The following ADGRL4 variants were observed in gnomAD, a reference collection of about 807,000 sequenced individuals.
ADGRL4 encodes EGF, latrophilin and seven transmembrane domain containing 1.
A neutral mutation model predicts 74.8 loss-of-function variants in ADGRL4; 90 were observed. The observed-to-expected ratio is 1.20, with a 90% confidence interval of 1.02 to 1.43. ADGRL4 has a LOEUF of 1.43. ADGRL4 is among the 40% of genes most tolerant of loss of function. The probability of loss-of-function intolerance (pLI) is 0.00; values close to 1 mark genes in which losing one functional copy is unlikely to be tolerated. For missense variants in ADGRL4, 881 were observed against 814.3 expected (o/e 1.08, Z -1.00); for synonymous variants, 311 against 279.2 (o/e 1.11, Z -1.14).
chr1:78,930,780 G>A (rs1480161716), intron 7 of ADGRL4, among the ~76,000 whole-genome samples: 2 of 151,294 alleles, frequency 1.3e-5, no homozygotes, highest in Non-Finnish European at 2.9e-5. Flanking sequence ...AGAAGAATCA[G>A]CTTTTAGCGG....
chr1:78,917,652 T>C lies in ADGRL4; in HGVS notation c.1731A>G (p.Pro577=). The C allele has an allele frequency of 1.0e-5, 16 of 1,604,050 alleles. No homozygotes were observed. Among genetic ancestry groups the C allele is most frequent in the Non-Finnish European group, 1.4e-5 (16 of 1,174,676 alleles). ...ENNFIWSFIG[P]ACLIILVNLL... Reference sequence around the variant, plus strand: ...TACATACAAGAATGATTAGGCATGCTGGTCCTATAAAACTCCAAATAAAGT... The same window carrying C: ...TACATACAAGAATGATTAGGCATGCCGGTCCTATAAAACTCCAAATAAAGT... The change falls in exon 12 of 15, where the codon CCA becomes CCG. Residue 577 remains proline (P), a synonymous_variant. Coordinates refer to ENST00000370742, the MANE Select transcript of ADGRL4 (RefSeq NM_022159.4).
chr1:79,002,835 TA>T (rs530054054), intron 2 of ADGRL4, among the ~76,000 whole-genome samples: 290 of 152,202 alleles, frequency 1.9e-3, no homozygotes, highest in Non-Finnish European at 3.2e-3. Flanking sequence ...CTGTTGAAAT[TA>T]AAAAATGATT....
chr1:78,982,506 T>C (rs1220832631), intron 2 of ADGRL4, among the ~76,000 whole-genome samples: 1 of 151,958 alleles, frequency 6.6e-6, no homozygotes, highest in African/African-American at 2.4e-5. Flanking sequence ...ATCAAGGTTA[T>C]TTCCTCTTTC....
chr1:78,955,660 CATT>C (rs762835748), intron 2 of ADGRL4, among the ~76,000 whole-genome samples: 5 of 151,820 alleles, frequency 3.3e-5, no homozygotes, highest in Non-Finnish European at 5.9e-5. Context: ...GTTTTTTCAT[CATT>C]ATTTTTGCGT....
chr1:78,951,047 C>G (rs1247684438), intron 2 of ADGRL4, among the ~76,000 whole-genome samples: 1 of 152,160 alleles, frequency 6.6e-6, no homozygotes, highest in Admixed American at 6.5e-5. Context: ...TCTTCCAGAG[C>G]ATGAGTCAGA....
intron 2 of ADGRL4, among the ~76,000 whole-genome samples, chr1:78,995,119 A>C (rs529081399): frequency 3.1e-4 from 47 of 152,310 alleles, no homozygotes; most frequent in Non-Finnish European, 6.5e-4. Context: ...TCAATCACAC[A>C]TCACAGTGAC....
chr1:79,001,382 T>A (rs1396862073), intron 2 of ADGRL4, among the ~76,000 whole-genome samples: 2 of 151,328 alleles, frequency 1.3e-5, no homozygotes, highest in African/African-American at 2.4e-5. Flanking sequence ...TAATGTCTGA[T>A]GAAAACTGAA....
intron 12 of ADGRL4, among the ~76,000 whole-genome samples, chr1:78,897,864 C>T (rs900486213): frequency 2.6e-5 from 4 of 152,066 alleles, no homozygotes; most frequent in African/African-American, 9.7e-5. Flanking sequence ...GCAAAACTCA[C>T]ATTTACTCGT....
intron 8 of ADGRL4, among the ~76,000 whole-genome samples, chr1:78,923,379 A>G (rs1649041955): frequency 6.6e-6 from 1 of 152,082 alleles, no homozygotes; most frequent in South Asian, 2.1e-4. Context: ...GATTGGCCCA[A>G]AATAAACTGC....
chr1:78,955,966 A>G (rs942409245), intron 2 of ADGRL4, among the ~76,000 whole-genome samples: 2 of 152,140 alleles, frequency 1.3e-5, no homozygotes, highest in Non-Finnish European at 2.9e-5. Context: ...TCTTTACTAT[A>G]TAATAACGAT....
intron 2 of ADGRL4, among the ~76,000 whole-genome samples, chr1:78,961,093 T>A (rs115173233): frequency 2.5e-4 from 36 of 145,988 alleles, no homozygotes; most frequent in African/African-American, 8.7e-4. Context: ...TACTTCAGTA[T>A]TTTTTTTTTT....
intron 2 of ADGRL4, among the ~76,000 whole-genome samples, chr1:78,970,451 G>A (rs1395952978): frequency 1.3e-5 from 2 of 152,196 alleles, no homozygotes; most frequent in African/African-American, 4.8e-5. Context: ...ATAGGTGAGA[G>A]TGGATAATTC....
At chr1:78,901,486 C>T (rs546047270) in intron 12 of ADGRL4, among the ~76,000 whole-genome samples, 1 of 152,180 alleles carries the variant, frequency 6.6e-6, no homozygotes, top group South Asian at 2.1e-4. Context: ...GGATTGAACC[C>T]AGAAAATGAT....
At chr1:78,911,531 A>G (rs1648762148) in intron 12 of ADGRL4, among the ~76,000 whole-genome samples, 1 of 151,778 alleles carries the variant, frequency 6.6e-6, no homozygotes, top group South Asian at 2.1e-4. Context: ...TTCTATATAA[A>G]AACAGACACA....
At chr1:78,904,617 C>T (rs574641091) in intron 12 of ADGRL4, among the ~76,000 whole-genome samples, 6 of 151,930 alleles carry the variant, frequency 3.9e-5, no homozygotes, top group Non-Finnish European at 5.9e-5. Flanking sequence ...AAACCACTTT[C>T]TTATATAATA....
At chr1:78,895,445 C>T (rs1483870300) in intron 12 of ADGRL4, among the ~76,000 whole-genome samples, 1 of 151,904 alleles carries the variant, frequency 6.6e-6, no homozygotes, top group Admixed American at 6.6e-5. Context: ...TATAAATCTA[C>T]AAACTGTGAT....
chr1:78,977,964 CAT>C (rs1181186771), intron 2 of ADGRL4, among the ~76,000 whole-genome samples: 8 of 151,776 alleles, frequency 5.3e-5, no homozygotes, highest in African/African-American at 1.7e-4. Context: ...AACAAATAAA[CAT>C]GTGTTTCTAA....
intron 2 of ADGRL4, among the ~76,000 whole-genome samples, chr1:78,949,455 T>A (rs893327793): frequency 6.6e-6 from 1 of 152,180 alleles, no homozygotes; most frequent in Non-Finnish European, 1.5e-5. Context: ...GCTGGATATA[T>A]GATATGGACA....
chr1:78,992,234 A>T (rs546444525), intron 2 of ADGRL4, among the ~76,000 whole-genome samples: 23 of 152,208 alleles, frequency 1.5e-4, no homozygotes, highest in Admixed American at 3.3e-4. Context: ...TGAACAGTTA[A>T]CATTCTGTCT....
Sources: allele counts gnomAD v4.1 joint callset (sites outside exome capture counted in the v4.1 genomes callset), GRCh38; gene constraint gnomAD v4.1.1; transcripts MANE v1.5; gene names NCBI Gene and HGNC (gene_info 2026-07-23, HGNC 2026-07-21).